PCDHA10: variants seen among roughly 807,000 people sequenced by gnomAD.
The protein encoded by PCDHA10 is protocadherin alpha-10.
A neutral mutation model predicts 61.2 loss-of-function variants in PCDHA10; 45 were observed. The observed-to-expected ratio is 0.74, with a 90% confidence interval of 0.58 to 0.94. The LOEUF is 0.94. Among genes scored for constraint, PCDHA10 ranks in the 40% least tolerant of loss-of-function variants. The pLI is 0.00. For synonymous variants in PCDHA10, 602 were observed against 548.8 expected (o/e 1.10, Z -1.35); for missense variants, 1,278 against 1,236.2 (o/e 1.03, Z -0.51).
At chr5:140,870,909 C>T (rs2052531275) in intron 1 of PCDHA10, 1 of 1,613,956 alleles carries the variant, frequency 6.2e-7, no homozygotes, top group East Asian at 2.2e-5. Flanking sequence ...ACTCAGGCTA[C>T]AACGCGTGGC....
intron 1 of PCDHA10, chr5:140,860,230 A>G (rs1282358261): frequency 6.6e-6 from 1 of 151,076 alleles, no homozygotes; most frequent in Non-Finnish European, 1.5e-5. Context: ...TATATAAGCC[A>G]GGCATGGTGG....
intron 3 of PCDHA10, among the ~76,000 whole-genome samples, chr5:140,985,628 T>C (rs1399381029): frequency 6.6e-6 from 1 of 152,116 alleles, no homozygotes; most frequent in Non-Finnish European, 1.5e-5. Flanking sequence ...TGTGTATTGC[T>C]CTTCTCATCC....
intron 1 of PCDHA10, chr5:140,883,984 C>G: frequency 6.2e-7 from 1 of 1,612,820 alleles, no homozygotes; most frequent in East Asian, 2.2e-5. Flanking sequence ...GGGCTGGCAG[C>G]GCGGGAGGCA....
intron 1 of PCDHA10, among the ~76,000 whole-genome samples, chr5:140,977,624 T>C (rs139722248): frequency 6.6e-6 from 1 of 152,088 alleles, no homozygotes. Flanking sequence ...TATCCCAGAG[T>C]TGTAACTTTT....
At chr5:140,963,303 G>A (rs2153735006) in intron 1 of PCDHA10, among the ~76,000 whole-genome samples, 1 of 152,286 alleles carries the variant, frequency 6.6e-6, no homozygotes, top group South Asian at 2.1e-4. Flanking sequence ...GAGAAAATAA[G>A]AAGCTGTTTG....
At chr5:140,958,374 A>G (rs953397625) in intron 1 of PCDHA10, among the ~76,000 whole-genome samples, 3 of 152,134 alleles carry the variant, frequency 2.0e-5, no homozygotes, top group African/African-American at 7.2e-5. Context: ...GAATGTTGCT[A>G]TTTTCTTAAC....
intron 1 of PCDHA10, among the ~76,000 whole-genome samples, chr5:140,892,881 A>G (rs1562868071): frequency 6.6e-6 from 1 of 152,120 alleles, no homozygotes. Context: ...TTTCGTATCC[A>G]TTAACCAACC....
At chr5:140,968,097 G>A in intron 1 of PCDHA10, 1 of 1,614,112 alleles carries the variant, frequency 6.2e-7, no homozygotes, top group Non-Finnish European at 8.5e-7. Flanking sequence ...GCCACAGATG[G>A]GGGAATACCG....
chr5:140,930,394 T>C (rs531643898), intron 1 of PCDHA10: 1 of 145,356 alleles, frequency 6.9e-6, no homozygotes, highest in South Asian at 2.2e-4. Flanking sequence ...TCAAAACTTC[T>C]TTTTTTTTTT....
chr5:140,969,542 C>T, intron 1 of PCDHA10: 1 of 1,279,490 alleles, frequency 7.8e-7, no homozygotes, highest in South Asian at 1.6e-5. Flanking sequence ...TTTTCAGAGG[C>T]ATGAAGCCTT....
At chr5:140,957,556 A>G (rs1364343526) in intron 1 of PCDHA10, among the ~76,000 whole-genome samples, 1 of 152,150 alleles carries the variant, frequency 6.6e-6, no homozygotes, top group African/African-American at 2.4e-5. Flanking sequence ...TCTCTGTGGA[A>G]AAGGAGGGAC....
chr5:140,905,399 A>AT (rs1414882789), intron 1 of PCDHA10, among the ~76,000 whole-genome samples: 8 of 152,142 alleles, frequency 5.3e-5, no homozygotes, highest in African/African-American at 1.9e-4. Context: ...CTGTGTGCCT[A>AT]TTTTTATACC....
At chr5:140,927,678 A>G in intron 1 of PCDHA10, 1 of 1,614,180 alleles carries the variant, frequency 6.2e-7, no homozygotes, top group Non-Finnish European at 8.5e-7. Context: ...ATCCAGATGA[A>G]GGGTCCAATG....
At chr5:140,879,743 C>A (rs553188333) in intron 1 of PCDHA10, among the ~76,000 whole-genome samples, 2 of 152,274 alleles carry the variant, frequency 1.3e-5, no homozygotes, top group South Asian at 2.1e-4. Context: ...AAGGTGTTGT[C>A]AAGGCTATAC....
At chr5:140,966,505 A>C (rs2096011889) in intron 1 of PCDHA10, 2 of 427,984 alleles carry the variant, frequency 4.7e-6, no homozygotes, top group Non-Finnish European at 8.1e-6. Context: ...CTGTAGCGGC[A>C]GCAGCAGCAG....
chr5:140,927,526 G>A, intron 1 of PCDHA10: 1 of 1,614,086 alleles, frequency 6.2e-7, no homozygotes, highest in South Asian at 1.1e-5. Flanking sequence ...CGGGCTACCT[G>A]CCCGCTCAGG....
chr5:140,877,095 C>G, intron 1 of PCDHA10: 1 of 1,613,330 alleles, frequency 6.2e-7, no homozygotes, highest in Admixed American at 1.7e-5. Flanking sequence ...GCGACGCCGG[C>G]GTGCCGCCTC....
chr5:140,869,316 T>C (rs782789227), intron 1 of PCDHA10: 22 of 1,613,628 alleles, frequency 1.4e-5, no homozygotes, highest in South Asian at 4.4e-5. Flanking sequence ...CCAAAACACA[T>C]GGGGACCTTC....
In PCDHA10 at chr5:140,904,046, T is replaced by C. The variant is rs2153483198; in HGVS notation, c.2388+45610T>C. 2.0e-5 allele frequency among the ~76,000 whole-genome samples: 3 copies of C among 152,346 alleles called. No homozygotes were observed. The East Asian group carries it at 5.8e-4, about 29-fold the overall frequency. ...GTATAATTTAACTTTTTAATTTTTT[T>C]ATTTCAATGGGTTTTTGGGGAACAG... On this transcript the variant is annotated intron_variant, in intron 1 of 3. Coordinates refer to ENST00000307360, the MANE Select transcript of PCDHA10 (RefSeq NM_018901.4).
Sources: gnomAD v4.1 joint callset for allele counts (sites outside exome capture counted in the v4.1 genomes callset) on GRCh38, gnomAD v4.1.1 for gene constraint, MANE v1.5 for transcripts, NCBI Gene and HGNC (gene_info 2026-07-23, HGNC 2026-07-21) for gene names.